Variants in PLS1 observed in about 807,000 individuals in gnomAD.
The protein encoded by PLS1 is plastin 1, also known as plastin-1.
Under a neutral mutation model 73.7 loss-of-function variants are expected in PLS1, and 32 were observed. The ratio of observed to expected loss-of-function variants is 0.43; its 90% CI spans 0.33 to 0.58. The LOEUF (loss-of-function observed/expected upper bound fraction) is 0.58. Among genes scored for constraint, PLS1 ranks in the 20% least tolerant of loss-of-function variants. The pLI, the probability that PLS1 is intolerant of heterozygous loss-of-function variation, is 0.04. For synonymous variants in PLS1, 217 were observed against 261.3 expected, an observed-to-expected ratio of 0.83 and a Z score of 1.63; for missense variants, 633 against 740.5, an observed-to-expected ratio of 0.85 and a Z score of 1.68.
At chr3:142,657,857 A>G (rs2107810196) in intron 1 of PLS1, among the ~76,000 whole-genome samples, 1 of 152,308 alleles carries the variant, frequency 6.6e-6, no homozygotes, top group South Asian at 2.1e-4. Context: ...ATTCTCCCAC[A>G]ATAATATTAA....
At chr3:142,679,333 C>T (rs1455766351) in intron 6 of PLS1, among the ~76,000 whole-genome samples, 1 of 150,254 alleles carries the variant, frequency 6.7e-6, no homozygotes, top group Non-Finnish European at 1.5e-5. Context: ...GTGTTTTAGA[C>T]ATGAAGTCCT....
At chr3:142,691,621 G>A (rs944763456) in intron 10 of PLS1, among the ~76,000 whole-genome samples, 17 of 152,002 alleles carry the variant, frequency 1.1e-4, no homozygotes, top group Non-Finnish European at 1.5e-5. Flanking sequence ...ATTATTTACT[G>A]TCTATTAAGA....
rs186860734 is a variant in PLS1 at position 142,603,528 on chromosome 3, C to T, written c.-37+7019C>T. Among the ~76,000 whole-genome samples, 158 of 152,284 alleles carry T rather than the reference C, an allele frequency of 1.0e-3. 1 individual carries two copies. Among genetic ancestry groups the T allele is most frequent in the African/African-American group, 3.6e-3 (150 of 41,552 alleles). Reference sequence around the variant, plus strand: ...GCATGGTGGCTCACGCCTATAATCCCAGCACTTTGGGAGGCTGAGGCAGGT... The same window carrying T: ...GCATGGTGGCTCACGCCTATAATCCTAGCACTTTGGGAGGCTGAGGCAGGT... On this transcript the variant is annotated intron_variant, in intron 1 of 15. Transcript: ENST00000457734.
At chr3:142,640,692 T>A (rs2108611290) in intron 1 of PLS1, among the ~76,000 whole-genome samples, 1 of 152,264 alleles carries the variant, frequency 6.6e-6, no homozygotes, top group East Asian at 1.9e-4. Flanking sequence ...GTGCTCAGTT[T>A]GATTGCAGCA....
chr3:142,642,374 T>A (rs1004284474), intron 1 of PLS1, among the ~76,000 whole-genome samples: 2 of 152,226 alleles, frequency 1.3e-5, no homozygotes, highest in Non-Finnish European at 2.9e-5. Flanking sequence ...CATTTTCCAT[T>A]ATTTTAAGTA....
In PLS1 at chr3:142,699,974, T is replaced by A. The variant is rs930413754; in HGVS notation, c.1371+1907T>A. ...TCAGAAAATTTATTGACTAATTTCA[T>A]GTAAGTTTTTTCTCCAAAATTTTGA... On this transcript the variant is annotated intron_variant, in intron 12 of 15. Transcript: ENST00000457734. Among the ~76,000 whole-genome samples, 5 of 152,198 alleles carry A rather than the reference T, an allele frequency of 3.3e-5. No individual in the cohort carries two copies. In the East Asian group the frequency reaches 9.6e-4, roughly 29 times the overall value.
chr3:142,617,725 C>T (rs2036240386), intron 1 of PLS1, among the ~76,000 whole-genome samples: 1 of 152,128 alleles, frequency 6.6e-6, no homozygotes. Flanking sequence ...GTCCTATAAT[C>T]CTAGCACTTT....
At chr3:142,687,886 A>AT (rs776860783) in intron 9 of PLS1, among the ~76,000 whole-genome samples, 2 of 151,182 alleles carry the variant, frequency 1.3e-5, no homozygotes, top group East Asian at 1.9e-4. Flanking sequence ...CATAAATGCC[A>AT]TTTTTTTCAT....
At chr3:142,708,413 A>T (rs1932952808) in intron 14 of PLS1, among the ~76,000 whole-genome samples, 1 of 151,942 alleles carries the variant, frequency 6.6e-6, no homozygotes, top group African/African-American at 2.4e-5. Context: ...CGCCCAATTA[A>T]TTTTTTGTAC....
intron 1 of PLS1, among the ~76,000 whole-genome samples, chr3:142,617,325 T>C (rs1248168090): frequency 6.6e-6 from 1 of 152,092 alleles, no homozygotes; most frequent in Admixed American, 6.5e-5. Context: ...CAGATACTGT[T>C]ACAGGAATAA....
intron 4 of PLS1, among the ~76,000 whole-genome samples, chr3:142,675,593 G>C (rs1384819425): frequency 6.6e-6 from 1 of 151,832 alleles, no homozygotes; most frequent in Non-Finnish European, 1.5e-5. Flanking sequence ...TAACATGTTG[G>C]CCAGGATGGT....
At chr3:142,686,537 G>A (rs1164432712) in intron 9 of PLS1, among the ~76,000 whole-genome samples, 161 bp downstream of exon 9, 1 of 152,094 alleles carries the variant, frequency 6.6e-6, no homozygotes, top group Non-Finnish European at 1.5e-5. Flanking sequence ...TCATCATCCT[G>A]TAGGGAAATT....
intron 1 of PLS1, among the ~76,000 whole-genome samples, chr3:142,650,814 T>A (rs2108637163): frequency 6.6e-6 from 1 of 152,334 alleles, no homozygotes; most frequent in African/African-American, 2.4e-5. Flanking sequence ...TGTGTTGAAT[T>A]TTCCCAGAGA....
chr3:142,635,067 C>T (rs896377761), intron 1 of PLS1, among the ~76,000 whole-genome samples: 7 of 151,944 alleles, frequency 4.6e-5, no homozygotes, highest in Non-Finnish European at 1.0e-4. Flanking sequence ...GAACTTCAGG[C>T]ACATACCACC....
At chr3:142,704,949 C>A (rs974143733) in intron 14 of PLS1, among the ~76,000 whole-genome samples, 1 of 151,656 alleles carries the variant, frequency 6.6e-6, no homozygotes, top group East Asian at 1.9e-4. Context: ...TGAGCTACCA[C>A]GCCTGGCCAG....
chr3:142,712,161 A>G lies in PLS1; in HGVS notation c.*154A>G, dbSNP rs1933163934. 4.9e-6 allele frequency: 3 copies of G among 617,468 alleles called. No individual in the cohort carries two copies. The African/African-American group carries it at 5.5e-5, about 11-fold the overall frequency. 38.2% of individuals were successfully genotyped at this position (617,468 alleles called of 1,614,324 possible). On this transcript the variant is annotated 3_prime_UTR_variant, in exon 16 of 16. Transcript: ENST00000457734. Reference sequence around the variant, plus strand: ...ATTCAATATCCTGTTCATACTAGTTAGAGCTGGTCAGCCTTTTTGGGTAAC... The same window carrying G: ...ATTCAATATCCTGTTCATACTAGTTGGAGCTGGTCAGCCTTTTTGGGTAAC...
At chr3:142,599,390 C>A (rs181046608) in intron 1 of PLS1, among the ~76,000 whole-genome samples, 2,544 of 142,692 alleles carry the variant, frequency 0.018, 25 homozygotes, top group South Asian at 0.042. Context: ...AGTGCAGTGG[C>A]GCAATCTCGG....
chr3:142,699,292 T>C (rs1431095351), intron 12 of PLS1, among the ~76,000 whole-genome samples: 1 of 152,114 alleles, frequency 6.6e-6, no homozygotes, highest in Non-Finnish European at 1.5e-5. Context: ...AGCCCATCTC[T>C]ACTAAAAATA....
chr3:142,667,844 T>G (rs1249979173), intron 2 of PLS1, among the ~76,000 whole-genome samples: 2 of 152,262 alleles, frequency 1.3e-5, no homozygotes, highest in African/African-American at 4.8e-5. Flanking sequence ...GGTCATGTAA[T>G]GAGATTTTTC....
Sources: allele counts gnomAD v4.1 joint callset (sites outside exome capture counted in the v4.1 genomes callset), GRCh38; gene constraint gnomAD v4.1.1; transcripts MANE v1.5; gene names NCBI Gene and HGNC (gene_info 2026-07-23, HGNC 2026-07-21).